Variants in EYA1 observed in about 807,000 individuals in gnomAD.
The protein encoded by EYA1 is EYA transcriptional coactivator and phosphatase 1, also known as protein phosphatase EYA1.
In EYA1, 16 loss-of-function variants were observed where a neutral mutation model predicts 82.0. The observed-to-expected ratio is 0.20, with a 90% CI of 0.13 to 0.30. EYA1 has a LOEUF of 0.30. EYA1 is among the 10% of genes least tolerant of loss of function. The pLI is 1.00. For synonymous variants in EYA1, 261 were observed against 264.4 expected, an observed-to-expected ratio of 0.99 and a Z score of 0.12; for missense variants, 633 against 730.7, an observed-to-expected ratio of 0.87 and a Z score of 1.54.
At chr8:71,336,179 C>T (rs531060832) in intron 3 of EYA1, among the ~76,000 whole-genome samples, 15 of 152,250 alleles carry the variant, frequency 9.9e-5, no homozygotes, top group African/African-American at 3.6e-4. Flanking sequence ...GACTCCAAGG[C>T]CCATGACTAA....
chr8:71,435,157 CTCACAG>C (rs972445656), intron 2 of EYA1, among the ~76,000 whole-genome samples: 2 of 152,168 alleles, frequency 1.3e-5, no homozygotes, highest in Admixed American at 1.3e-4. Flanking sequence ...ATTTCTCCAG[CTCACAG>C]TGGTTCTTCT....
intron 2 of EYA1, among the ~76,000 whole-genome samples, chr8:71,355,161 C>T (rs1371281034): frequency 2.6e-5 from 4 of 152,170 alleles, no homozygotes; most frequent in Non-Finnish European, 5.9e-5. Flanking sequence ...TTTTCTCTTA[C>T]ACAGTTCATC....
intron 9 of EYA1, among the ~76,000 whole-genome samples, chr8:71,284,929 T>C (rs1002759784): frequency 1.3e-5 from 2 of 152,250 alleles, no homozygotes; most frequent in Non-Finnish European, 1.5e-5. Flanking sequence ...GGACTTTGTT[T>C]CTTCTAGCAT....
intron 9 of EYA1, among the ~76,000 whole-genome samples, chr8:71,295,023 T>G (rs1361848339): frequency 6.6e-6 from 1 of 152,128 alleles, no homozygotes; most frequent in African/African-American, 2.4e-5. Flanking sequence ...CTGGAACCAC[T>G]GCACATCCAT....
chr8:71,427,798 T>C (rs569540431), intron 2 of EYA1, among the ~76,000 whole-genome samples: 1 of 152,114 alleles, frequency 6.6e-6, no homozygotes, highest in East Asian at 1.9e-4. Flanking sequence ...AGTGGGAGGA[T>C]TGCTTGAGTC....
At chr8:71,447,206 CT>C (rs1806960859) in intron 2 of EYA1, among the ~76,000 whole-genome samples, 1 of 151,944 alleles carries the variant, frequency 6.6e-6, no homozygotes, top group South Asian at 2.1e-4. Context: ...TCTTTGGGGT[CT>C]TCAGCTTTCT....
chr8:71,530,192 G>A (rs996503305), intron 2 of EYA1, among the ~76,000 whole-genome samples: 12 of 152,292 alleles, frequency 7.9e-5, no homozygotes, highest in African/African-American at 2.9e-4. Context: ...GGGCACAGAT[G>A]TAAGAGGGAC....
intron 2 of EYA1, among the ~76,000 whole-genome samples, chr8:71,520,802 A>T (rs974922321): frequency 6.6e-6 from 1 of 152,170 alleles, no homozygotes; most frequent in Non-Finnish European, 1.5e-5. Context: ...GACTTTTTTT[A>T]CATTCAAAAA....
intron 14 of EYA1, among the ~76,000 whole-genome samples, chr8:71,216,255 T>C (rs1585815436): frequency 1.3e-5 from 2 of 152,152 alleles, no homozygotes; most frequent in Non-Finnish European, 2.9e-5. Flanking sequence ...CCCCTAAACT[T>C]TTTATTATTA....
At chr8:71,287,456 A>C (rs1818514320) in intron 9 of EYA1, among the ~76,000 whole-genome samples, 1 of 152,210 alleles carries the variant, frequency 6.6e-6, no homozygotes, top group Admixed American at 6.5e-5. Context: ...TCTCTAGGTA[A>C]ATTAATTCAT....
intron 9 of EYA1, among the ~76,000 whole-genome samples, chr8:71,272,492 G>A (rs996493156): frequency 3.3e-5 from 5 of 152,090 alleles, no homozygotes; most frequent in East Asian, 3.9e-4. Flanking sequence ...TCCATCACCG[G>A]CTCTTCCTCG....
chr8:71,407,833 C>T (rs1036349402), intron 2 of EYA1, among the ~76,000 whole-genome samples: 1 of 149,084 alleles, frequency 6.7e-6, no homozygotes, highest in Admixed American at 6.7e-5. Context: ...CCCAATCTAG[C>T]AAGGCAGGCC....
chr8:71,206,209 T>C (rs1362555353), intron 17 of EYA1, among the ~76,000 whole-genome samples: 1 of 149,094 alleles, frequency 6.7e-6, no homozygotes, highest in Admixed American at 6.9e-5. Context: ...TAAATGTAGT[T>C]TATAGTTTGA....
intron 12 of EYA1, among the ~76,000 whole-genome samples, chr8:71,231,840 A>C (rs117017432): frequency 1.3e-5 from 2 of 152,148 alleles, no homozygotes; most frequent in African/African-American, 4.8e-5. Flanking sequence ...CATTTCCAAA[A>C]TAGATTTTAA....
intron 12 of EYA1, among the ~76,000 whole-genome samples, chr8:71,217,868 G>A (rs540795772): frequency 3.9e-5 from 6 of 152,262 alleles, no homozygotes; most frequent in East Asian, 1.9e-4. Context: ...CCCAGTTAAC[G>A]TTTCTGCACC....
At chr8:71,310,432 G>A (rs1161314414) in intron 7 of EYA1, among the ~76,000 whole-genome samples, 1 of 152,108 alleles carries the variant, frequency 6.6e-6, no homozygotes, top group Non-Finnish European at 1.5e-5. Context: ...TTCTCTGACA[G>A]GTCCCAGTGT....
intron 9 of EYA1, among the ~76,000 whole-genome samples, chr8:71,285,816 T>A (rs943137527): frequency 6.6e-6 from 1 of 152,264 alleles, no homozygotes; most frequent in South Asian, 2.1e-4. Context: ...AATTTCTTCC[T>A]GAGCATGTCT....
intron 2 of EYA1, among the ~76,000 whole-genome samples, chr8:71,420,001 T>C (rs73687708): frequency 1.9e-3 from 292 of 152,268 alleles, no homozygotes; most frequent in African/African-American, 6.8e-3. Flanking sequence ...TTGCTAGATA[T>C]AGTATCTGAA....
At chr8:71,251,084 G>C (rs1365967095) in intron 11 of EYA1, among the ~76,000 whole-genome samples, 1 of 152,182 alleles carries the variant, frequency 6.6e-6, no homozygotes, top group Non-Finnish European at 1.5e-5. Context: ...TCTTAGAATA[G>C]CTGCATAAGA....
Sources: allele counts gnomAD v4.1 joint callset (sites outside exome capture counted in the v4.1 genomes callset), GRCh38; gene constraint gnomAD v4.1.1; transcripts MANE v1.5; gene names NCBI Gene and HGNC (gene_info 2026-07-23, HGNC 2026-07-21).